Variants in SMIM3 observed in about 807,000 individuals in gnomAD.
SMIM3 encodes the protein NGF-induced differentiation clone 67 protein.
In SMIM3, 4 loss-of-function variants were observed where a neutral mutation model predicts 2.1. The ratio of observed to expected loss-of-function variants is 1.89; its 90% CI spans 0.93 to 4.31. The LOEUF is 4.31. SMIM3 is among the 30% of genes most tolerant of loss of function. The pLI is 0.01. For missense variants in SMIM3, 79 were observed against 77.7 expected (o/e 1.02, Z -0.06); for synonymous variants, 29 against 30.8 (o/e 0.94, Z 0.19).
At chr5:150,793,145 A>C (rs977560332) in intron 1 of SMIM3, among the ~76,000 whole-genome samples, 1 of 152,090 alleles carries the variant, frequency 6.6e-6, no homozygotes, top group Non-Finnish European at 1.5e-5. Context: ...TTCCTTGTAC[A>C]AAACACTGCT....
Position 150,795,608 on chromosome 5 carries a change from T to C in SMIM3, c.168T>C (p.Leu56=). 6.4e-7 allele frequency: 1 copy of C among 1,552,336 alleles called. No individual in the cohort carries two copies. Among genetic ancestry groups the C allele is most frequent in the Non-Finnish European group, 8.7e-7 (1 of 1,154,976 alleles). ...IIYRMRTHPI[L]SGAV ...ATCGCATGCGGACTCATCCGATCCT[T>C]AGTGGGGCTGTTTGAGAGCCTCCCA... The change falls in exon 2 of 2, where the codon CTT becomes CTC. Residue 56 remains leucine, a synonymous_variant. Coordinates refer to ENST00000526627, the MANE Select transcript of SMIM3 (RefSeq NM_032947.5).
At chr5:150,781,975 C>T (rs779216927) in intron 1 of SMIM3, among the ~76,000 whole-genome samples, 12 of 152,200 alleles carry the variant, frequency 7.9e-5, no homozygotes, top group Non-Finnish European at 1.5e-4. Flanking sequence ...TCTTACACAG[C>T]TCTGGCTGTG....
At chr5:150,783,501 C>T (rs529632875) in intron 1 of SMIM3, among the ~76,000 whole-genome samples, 2 of 152,368 alleles carry the variant, frequency 1.3e-5, no homozygotes, top group Admixed American at 1.3e-4. Flanking sequence ...TGTCTGCTCT[C>T]TGGCCACCGT....
intron 1 of SMIM3, among the ~76,000 whole-genome samples, chr5:150,795,116 T>G (rs1381909122): frequency 2.6e-5 from 4 of 152,170 alleles, no homozygotes; most frequent in Non-Finnish European, 4.4e-5. Flanking sequence ...TTTAAGACTT[T>G]AGAGTCCTCA....
intron 1 of SMIM3, among the ~76,000 whole-genome samples, chr5:150,794,704 T>G (rs1306608303): frequency 6.6e-6 from 1 of 152,178 alleles, no homozygotes; most frequent in African/African-American, 2.4e-5. Context: ...AATAGCTGTT[T>G]CCAATCGTGT....
chr5:150,782,522 G>A (rs1040200936), intron 1 of SMIM3, among the ~76,000 whole-genome samples: 1 of 152,102 alleles, frequency 6.6e-6, no homozygotes, highest in Non-Finnish European at 1.5e-5. Flanking sequence ...TGAGCTTATC[G>A]GCCCAAGCAA....
chr5:150,779,113 C>T, intron 1 of SMIM3, 141 bp downstream of exon 1: 1 of 403,324 alleles, frequency 2.5e-6, no homozygotes, highest in Non-Finnish European at 5.0e-6. Context: ...CCCATTTCTC[C>T]CTTTTCATCA....
At position 150,784,832 on chromosome 5, in the gene SMIM3, G is replaced by A. The variant is rs367676520; in HGVS notation, c.-12+5860G>A. ...TTTCTATTTGTCCCCTTTATTCTAAGTATTTGTTGTTGTTTTTCTCCTCTC... is the reference window on the plus strand; with the variant it reads ...TTTCTATTTGTCCCCTTTATTCTAAATATTTGTTGTTGTTTTTCTCCTCTC... On this transcript the variant is annotated intron_variant, in intron 1 of 1. Coordinates refer to ENST00000526627, the MANE Select transcript of SMIM3 (RefSeq NM_032947.5). Among the ~76,000 whole-genome samples, 7 of 152,066 alleles carry A rather than the reference G, an allele frequency of 4.6e-5. No homozygotes were observed. In the East Asian group the frequency reaches 7.7e-4, roughly 17 times the overall value.
At chr5:150,788,378 C>T (rs890673860) in intron 1 of SMIM3, among the ~76,000 whole-genome samples, 8 of 151,864 alleles carry the variant, frequency 5.3e-5, no homozygotes, top group Admixed American at 5.2e-4. Context: ...TGACCAGGTG[C>T]GGTCACTCTC....
chr5:150,791,997 A>G (rs76872831), intron 1 of SMIM3, among the ~76,000 whole-genome samples: 14,358 of 152,234 alleles, frequency 0.094, 1,023 homozygotes, highest in East Asian at 0.41. Context: ...ATACAGATAT[A>G]CCCTTCTTTA....
intron 1 of SMIM3, among the ~76,000 whole-genome samples, chr5:150,780,427 G>A (rs1482591388): frequency 6.6e-6 from 1 of 152,140 alleles, no homozygotes; most frequent in African/African-American, 2.4e-5. Flanking sequence ...GCTCCAGCCG[G>A]GACCTCCTGT....
At chr5:150,786,900 G>A (rs188173296) in intron 1 of SMIM3, among the ~76,000 whole-genome samples, 1 of 152,264 alleles carries the variant, frequency 6.6e-6, no homozygotes, top group African/African-American at 2.4e-5. Context: ...CTCCAGAGAG[G>A]ATGTATATTT....
In SMIM3 at chr5:150,791,349, C is replaced by T. The variant is rs562276470; in HGVS notation, c.-11-4081C>T. On this transcript the variant is annotated intron_variant, in intron 1 of 1. Transcript: ENST00000526627. The stretch of plus-strand genomic sequence containing the variant: ...ATAAATTAATTTTTTTATCTCAGTA[C>T]TTATTTATTCCTCCTGCCTAACTGA... 2.0e-3 allele frequency among the ~76,000 whole-genome samples: 309 copies of T among 152,212 alleles called. 2 individuals carry two copies. Among genetic ancestry groups the T allele is most frequent in the African/African-American group, 7.1e-3 (293 of 41,532 alleles).
At chr5:150,790,302 G>A (rs992858915) in intron 1 of SMIM3, among the ~76,000 whole-genome samples, 2 of 152,144 alleles carry the variant, frequency 1.3e-5, no homozygotes, top group Non-Finnish European at 2.9e-5. Flanking sequence ...TTGAAGTCAG[G>A]AAGACTGTTT....
chr5:150,789,745 T>G (rs1390414641), intron 1 of SMIM3, among the ~76,000 whole-genome samples: 1 of 152,200 alleles, frequency 6.6e-6, no homozygotes, highest in Non-Finnish European at 1.5e-5. Flanking sequence ...TTTCGTAACA[T>G]GCAAAGTTTG....
intron 1 of SMIM3, 117 bp downstream of exon 1, chr5:150,779,089 T>C (rs939395111): frequency 2.5e-5 from 11 of 431,486 alleles, no homozygotes; most frequent in African/African-American, 6.2e-5. Context: ...CTTCTTTATG[T>C]CCGGTCTCTC....
rs777726493 is a variant in SMIM3, at chr5:150,795,436, G to A, written c.-5G>A. ...CCTTTCTTGTCTGTTGCAGAGTGAA[G>A]CAACATGGATGCAGTCAGCCAAGTC... On this transcript the variant is annotated 5_prime_UTR_variant, in exon 2 of 2. Coordinates refer to ENST00000526627, the MANE Select transcript of SMIM3 (RefSeq NM_032947.5). The A allele has an allele frequency of 2.5e-6, 4 of 1,613,970 alleles. No individual in the cohort carries two copies. Among genetic ancestry groups the A allele is most frequent in the South Asian group, 1.1e-5 (1 of 91,080 alleles).
At chr5:150,780,036 G>A (rs1302458837) in intron 1 of SMIM3, among the ~76,000 whole-genome samples, 1 of 152,146 alleles carries the variant, frequency 6.6e-6, no homozygotes, top group East Asian at 1.9e-4. Flanking sequence ...TGAAGGCTGC[G>A]CAATCACACA....
intron 1 of SMIM3, among the ~76,000 whole-genome samples, chr5:150,787,295 G>A (rs35260799): frequency 0.017 from 2,590 of 152,278 alleles, 29 homozygotes; most frequent in Non-Finnish European, 0.027. Flanking sequence ...AGCTCTTAGT[G>A]CCTTCCATCA....
Sources: gnomAD v4.1 joint callset for allele counts (sites outside exome capture counted in the v4.1 genomes callset) on GRCh38, gnomAD v4.1.1 for gene constraint, MANE v1.5 for transcripts, NCBI Gene and HGNC (gene_info 2026-07-23, HGNC 2026-07-21) for gene names.